The following KIAA0825 variants were observed in gnomAD, a reference collection of about 807,000 sequenced individuals.
The protein encoded by KIAA0825 is uncharacterized protein KIAA0825.
KIAA0825 carries 119 observed loss-of-function variants against 147.6 expected under a neutral mutation model. The ratio of observed to expected loss-of-function variants is 0.81; its 90% confidence interval spans 0.69 to 0.94. The LOEUF (loss-of-function observed/expected upper bound fraction) is 0.94. KIAA0825 is among the 40% of genes least tolerant of loss of function. The probability of loss-of-function intolerance (pLI) is 0.00; values close to 1 mark genes in which losing one functional copy is unlikely to be tolerated. For missense variants in KIAA0825, 1,381 were observed against 1,472.7 expected (o/e 0.94, Z 1.02); for synonymous variants, 470 against 518.1 (o/e 0.91, Z 1.26).
chr5:94,569,639 G>C, intron 2 of KIAA0825: 1 of 359,842 alleles, frequency 2.8e-6, no homozygotes, highest in Non-Finnish European at 5.2e-6. Context: ...ATGAAACCTC[G>C]GCTCACTTCT....
At chr5:94,521,029 C>T (rs1237985786) in intron 4 of KIAA0825, 112 bp from the exon 5 acceptor site, 1 of 938,132 alleles carries the variant, frequency 1.1e-6, no homozygotes, top group Admixed American at 3.1e-5. Context: ...TCTAAAATTC[C>T]TTAAGATTTT....
chr5:94,301,150 C>A (rs760148540), intron 20 of KIAA0825, among the ~76,000 whole-genome samples: 1 of 152,092 alleles, frequency 6.6e-6, no homozygotes, highest in African/African-American at 2.4e-5. Context: ...GTTAATGCTA[C>A]TTCCTACTGA....
chr5:94,278,572 T>A (rs774763303), intron 20 of KIAA0825, among the ~76,000 whole-genome samples: 7 of 152,114 alleles, frequency 4.6e-5, no homozygotes, highest in Non-Finnish European at 8.8e-5. Context: ...GTTGTATTGT[T>A]GAGTTAGCCT....
chr5:94,524,648 CA>C (rs1768912375), intron 3 of KIAA0825, among the ~76,000 whole-genome samples: 1 of 150,840 alleles, frequency 6.6e-6, no homozygotes, highest in Admixed American at 6.6e-5. Flanking sequence ...AAAACAGAAA[CA>C]AAAATTACTA....
intron 12 of KIAA0825, among the ~76,000 whole-genome samples, chr5:94,455,243 C>G (rs1229826007): frequency 2.0e-5 from 3 of 152,014 alleles, no homozygotes; most frequent in Non-Finnish European, 4.4e-5. Context: ...AGATAAAACT[C>G]TGGAACATAC....
intron 20 of KIAA0825, among the ~76,000 whole-genome samples, chr5:94,265,960 A>T (rs1252292578): frequency 1.3e-5 from 2 of 152,176 alleles, no homozygotes; most frequent in Admixed American, 1.3e-4. Flanking sequence ...CACATAAAGC[A>T]TTTCACTGCA....
At chr5:94,326,497 G>A (rs775785769) in intron 20 of KIAA0825, among the ~76,000 whole-genome samples, 2 of 152,088 alleles carry the variant, frequency 1.3e-5, no homozygotes, top group Non-Finnish European at 2.9e-5. Flanking sequence ...AAGTAATAAA[G>A]GCCTGATTGA....
intron 20 of KIAA0825, among the ~76,000 whole-genome samples, chr5:94,343,756 GT>G (rs998506764): frequency 1.1e-4 from 17 of 152,082 alleles, no homozygotes; most frequent in Non-Finnish European, 2.5e-4. Flanking sequence ...GCAACAAAAA[GT>G]TTGTATCCCT....
rs1021379735 is a variant in KIAA0825 at position 94,153,156 on chromosome 5, G to A, written c.*851C>T. 6.6e-6 allele frequency: 1 copy of A among 151,176 alleles called. No homozygotes were observed. The highest frequency in any genetic ancestry group is 1.5e-5 in the Non-Finnish European group (1 of 67,856). 9.4% of individuals were successfully genotyped at this position (151,176 alleles called of 1,614,324 possible). On this transcript the variant is annotated 3_prime_UTR_variant, in exon 21 of 21. Coordinates refer to ENST00000682413, the MANE Select transcript of KIAA0825 (RefSeq NM_001145678.3). ...ATCTATAATTGTCCTTGGCAGAGAG[G>A]GTACTAGAGCATGTTCTGTTTTCTT... is the stretch of plus-strand genomic sequence containing the variant.
At chr5:94,382,928 A>G (rs1026289892) in intron 20 of KIAA0825, among the ~76,000 whole-genome samples, 3 of 152,254 alleles carry the variant, frequency 2.0e-5, no homozygotes, top group Non-Finnish European at 4.4e-5. Context: ...AATATAACAC[A>G]GTTAATCTGT....
chr5:94,178,545 T>C (rs565059569), intron 20 of KIAA0825, among the ~76,000 whole-genome samples: 1 of 152,146 alleles, frequency 6.6e-6, no homozygotes, highest in South Asian at 2.1e-4. Flanking sequence ...CTCAACTAGC[T>C]ACAGTATGAC....
At chr5:94,253,357 G>T (rs981961375) in intron 20 of KIAA0825, among the ~76,000 whole-genome samples, 1 of 152,066 alleles carries the variant, frequency 6.6e-6, no homozygotes, top group African/African-American at 2.4e-5. Flanking sequence ...CACCTGCAAT[G>T]CTATGAATAA....
chr5:94,254,002 G>GT (rs1198340715), intron 20 of KIAA0825, among the ~76,000 whole-genome samples: 5 of 152,068 alleles, frequency 3.3e-5, no homozygotes, highest in Non-Finnish European at 5.9e-5. Context: ...CAAGAGACGC[G>GT]TAAGAGCCGT....
intron 15 of KIAA0825, among the ~76,000 whole-genome samples, chr5:94,406,328 T>C (rs951656751): frequency 4.6e-5 from 7 of 152,326 alleles, no homozygotes; most frequent in Admixed American, 3.9e-4. Flanking sequence ...TGCTCTGCAA[T>C]GCACTAGAAT....
chr5:94,419,799 T>C (rs1429633072), intron 14 of KIAA0825, among the ~76,000 whole-genome samples: 1 of 152,178 alleles, frequency 6.6e-6, no homozygotes, highest in Non-Finnish European at 1.5e-5. Context: ...TGAGTGACCA[T>C]GCATCTGAGT....
At chr5:94,556,634 T>TTACAA (rs1168458509) in intron 2 of KIAA0825, among the ~76,000 whole-genome samples, 9 of 152,224 alleles carry the variant, frequency 5.9e-5, no homozygotes, top group Admixed American at 3.3e-4. Flanking sequence ...CATCTACCCA[T>TTACAA]TACAATACGC....
chr5:94,470,777 A>G (rs1173203898), intron 9 of KIAA0825, among the ~76,000 whole-genome samples: 1 of 152,160 alleles, frequency 6.6e-6, no homozygotes, highest in African/African-American at 2.4e-5. Flanking sequence ...ACGGACTGCA[A>G]AGGCTGGATA....
At chr5:94,609,331 C>A (rs1272007133) in intron 1 of KIAA0825, among the ~76,000 whole-genome samples, 1 of 152,080 alleles carries the variant, frequency 6.6e-6, no homozygotes, top group South Asian at 2.1e-4. Context: ...TACCACTCTT[C>A]CACTAAAATT....
intron 20 of KIAA0825, among the ~76,000 whole-genome samples, chr5:94,311,366 T>C (rs774782385): frequency 7.3e-5 from 11 of 151,496 alleles, no homozygotes; most frequent in Non-Finnish European, 1.3e-4. Context: ...TTCTTATATA[T>C]GGTCTTGTTC....
Sources: allele counts gnomAD v4.1 joint callset (sites outside exome capture counted in the v4.1 genomes callset), GRCh38; gene constraint gnomAD v4.1.1; transcripts MANE v1.5; gene names NCBI Gene and HGNC (gene_info 2026-07-23, HGNC 2026-07-21).